Variants in PLCL2 observed in about 807,000 individuals in gnomAD.
PLCL2 encodes inactive phospholipase C-like protein 2.
A neutral mutation model predicts 79.6 loss-of-function variants in PLCL2; 4 were observed. The observed-to-expected ratio is 0.05, with a 90% CI of 0.02 to 0.11. PLCL2 has a LOEUF of 0.11. Among genes scored for constraint, PLCL2 ranks in the 10% least tolerant of loss-of-function variants. PLCL2 has a pLI of 1.00. For missense variants in PLCL2, 895 were observed against 1,291.0 expected (o/e 0.69, Z 4.70); for synonymous variants, 484 against 457.7 (o/e 1.06, Z -0.73).
chr3:16,908,366 C>T (rs999060790), intron 1 of PLCL2, among the ~76,000 whole-genome samples: 1 of 152,112 alleles, frequency 6.6e-6, no homozygotes, highest in African/African-American at 2.4e-5. Flanking sequence ...AACAGTGTTC[C>T]AATTATTTTT....
At chr3:16,944,975 G>A (rs932676892) in intron 1 of PLCL2, among the ~76,000 whole-genome samples, 3 of 152,070 alleles carry the variant, frequency 2.0e-5, no homozygotes, top group Non-Finnish European at 4.4e-5. Context: ...GGCCAGGCTG[G>A]TCTCGAACTC....
chr3:17,012,277 T>C, intron 2 of PLCL2, 117 bp downstream of exon 2: 1 of 889,236 alleles, frequency 1.1e-6, no homozygotes, highest in South Asian at 2.3e-5. Flanking sequence ...TAAATTCTGA[T>C]TAGTTCTTAG....
At chr3:17,040,994 A>T (rs555685878) in intron 3 of PLCL2, among the ~76,000 whole-genome samples, 4 of 152,098 alleles carry the variant, frequency 2.6e-5, no homozygotes, top group African/African-American at 4.8e-5. Flanking sequence ...GAGCTGTAAC[A>T]ATCACCATCC....
chr3:16,967,096 T>C (rs1320737839), intron 1 of PLCL2, among the ~76,000 whole-genome samples: 1 of 152,144 alleles, frequency 6.6e-6, no homozygotes, highest in East Asian at 1.9e-4. Context: ...AATGACATGA[T>C]CTTGTTCTTT....
At chr3:17,018,664 G>C (rs2064412420) in intron 3 of PLCL2, among the ~76,000 whole-genome samples, 1 of 152,144 alleles carries the variant, frequency 6.6e-6, no homozygotes, top group South Asian at 2.1e-4. Flanking sequence ...TAAAGTCAGA[G>C]GGTCAAACTT....
At position 17,014,745 on chromosome 3, in the gene PLCL2, C is replaced by T. The variant is rs774486547; in HGVS notation, c.2852C>T (p.Ser951Phe). 6.2e-7 allele frequency: 1 copy of T among 1,614,078 alleles called. No individual in the cohort carries two copies. The highest frequency in any genetic ancestry group is 8.5e-7 in the Non-Finnish European group (1 of 1,179,966). The change falls in exon 3 of 6, where the codon TCC becomes TTC. Residue 951 changes from serine (S) to phenylalanine (F), a missense_variant. Ser to Phe is a radical substitution (Grantham distance 155). This residue lies in a region of PLCL2 where 298 missense variants were observed against 459.6 expected (regional missense o/e 0.65). Transcript: ENST00000615277. ...VVSFKELCGLSSVANLMQCML... is the reference protein window; with the variant it reads ...VVSFKELCGLFSVANLMQCML... ...TCATTCAAGGAGCTGTGTGGCCTCT[C>T]CTCTGTGGCCAATCTCATGCAGTGC...
In PLCL2 at chr3:16,917,854, G is replaced by T. The variant is rs139757942; in HGVS notation, c.327+32488G>T. ...GGGGGAGTGGCAGGTGCACACTGAAGAGGATCATGTAGGATGCAATATTGT... is the reference window on the plus strand; with the variant it reads ...GGGGGAGTGGCAGGTGCACACTGAATAGGATCATGTAGGATGCAATATTGT... On this transcript the variant is annotated intron_variant, in intron 1 of 5. Transcript: ENST00000615277. 7.1e-3 allele frequency among the ~76,000 whole-genome samples: 1,080 copies of T among 152,286 alleles called. 17 individuals carry two copies. The highest frequency in any genetic ancestry group is 0.024 in the African/African-American group (982 of 41,554).
chr3:16,960,250 C>A (rs1487891235), intron 1 of PLCL2, among the ~76,000 whole-genome samples: 1 of 152,128 alleles, frequency 6.6e-6, no homozygotes, highest in Non-Finnish European at 1.5e-5. Flanking sequence ...ATAAATCAGC[C>A]CACTCCATTG....
At chr3:17,045,878 G>A (rs1259493188) in intron 4 of PLCL2, among the ~76,000 whole-genome samples, 3 of 152,126 alleles carry the variant, frequency 2.0e-5, no homozygotes, top group Non-Finnish European at 4.4e-5. Flanking sequence ...AAAAAGAGAG[G>A]AGTGTTTTCC....
At chr3:17,029,523 A>AT (rs1414556081) in intron 3 of PLCL2, among the ~76,000 whole-genome samples, 11 of 152,014 alleles carry the variant, frequency 7.2e-5, no homozygotes, top group East Asian at 5.8e-4. Flanking sequence ...GTGTTTTATG[A>AT]TTTTTTTCCC....
At chr3:17,020,038 T>TA (rs1434891531) in intron 3 of PLCL2, among the ~76,000 whole-genome samples, 2 of 152,204 alleles carry the variant, frequency 1.3e-5, no homozygotes, top group African/African-American at 4.8e-5. Flanking sequence ...GTAAGTGATC[T>TA]AATTCATCAT....
At chr3:16,960,693 G>C (rs1380135527) in intron 1 of PLCL2, among the ~76,000 whole-genome samples, 1 of 152,098 alleles carries the variant, frequency 6.6e-6, no homozygotes, top group Non-Finnish European at 1.5e-5. Context: ...TCCTGTAATT[G>C]AGTATTTTTC....
chr3:16,973,925 G>A (rs1277235770), intron 1 of PLCL2, among the ~76,000 whole-genome samples: 2 of 152,210 alleles, frequency 1.3e-5, no homozygotes, highest in Non-Finnish European at 2.9e-5. Context: ...GGTATTGTGA[G>A]AACATATAGT....
At chr3:17,076,216 G>A (rs73029112) in intron 5 of PLCL2, among the ~76,000 whole-genome samples, 110 of 152,154 alleles carry the variant, frequency 7.2e-4, no homozygotes, top group Non-Finnish European at 1.1e-3. Context: ...AAGTGGATGG[G>A]GGTTGAGCAT....
rs376867857 is a variant in PLCL2 at position 16,999,627 on chromosome 3, T to C, written c.328-10047T>C. ...TGAGGAAACCGAGGCACAGAGGACA[T>C]GCAGTGCTAGCTCACATCTTGTGGC... On this transcript the variant is annotated intron_variant, in intron 1 of 5. Transcript: ENST00000615277. Among the ~76,000 whole-genome samples the C allele has an allele frequency of 5.3e-5, 8 of 152,284 alleles. 1 individual carries two copies. The highest frequency in any genetic ancestry group is 1.5e-5 in the Non-Finnish European group (1 of 68,018).
chr3:17,041,076 T>TGACG (rs2064716367), intron 3 of PLCL2, among the ~76,000 whole-genome samples: 1 of 152,228 alleles, frequency 6.6e-6, no homozygotes, highest in African/African-American at 2.4e-5. Flanking sequence ...AGGTTACTGA[T>TGACG]GACGGTATGG....
intron 1 of PLCL2, among the ~76,000 whole-genome samples, chr3:16,903,336 G>A (rs1047862462): frequency 6.6e-6 from 1 of 152,160 alleles, no homozygotes; most frequent in African/African-American, 2.4e-5. Flanking sequence ...CGAATATTGG[G>A]TAGGATGCAT....
intron 1 of PLCL2, among the ~76,000 whole-genome samples, chr3:16,971,971 A>G (rs2063873584): frequency 6.6e-6 from 1 of 152,140 alleles, no homozygotes; most frequent in South Asian, 2.1e-4. Context: ...CTTTGACAAA[A>G]TTCAACAGCC....
intron 1 of PLCL2, among the ~76,000 whole-genome samples, chr3:16,926,919 G>A (rs925015324): frequency 2.0e-5 from 3 of 152,004 alleles, no homozygotes; most frequent in Admixed American, 1.3e-4. Flanking sequence ...GTAAGCCACC[G>A]CGCCCGGCCA....
Sources: gnomAD v4.1 joint callset for allele counts (sites outside exome capture counted in the v4.1 genomes callset) on GRCh38, gnomAD v4.1.1 for gene constraint, gnomAD v4.1.1 regional missense constraint, MANE v1.5 for transcripts, NCBI Gene and HGNC (gene_info 2026-07-23, HGNC 2026-07-21) for gene names.